The following RNF135 variants were observed in gnomAD, a reference collection of about 807,000 sequenced individuals.
RNF135 encodes E3 ubiquitin-protein ligase RNF135.
RNF135 carries 46 observed loss-of-function variants against 41.9 expected under a neutral mutation model. The observed-to-expected ratio is 1.10, with a 90% confidence interval of 0.87 to 1.40. The LOEUF is 1.40. Ranked by LOEUF, RNF135 falls within the 40% of genes most tolerant of loss-of-function variation. The pLI is 0.00. For missense variants in RNF135, 539 were observed against 549.8 expected (o/e 0.98, Z 0.20); for synonymous variants, 238 against 223.8 (o/e 1.06, Z -0.57).
chr17:30,991,708 C>T (rs907946027), intron 3 of RNF135, among the ~76,000 whole-genome samples: 4 of 151,940 alleles, frequency 2.6e-5, no homozygotes, highest in Non-Finnish European at 4.4e-5. Context: ...GCCACCGTGC[C>T]CGGCCTATAC....
At chr17:30,989,467 G>T (rs148477652) in intron 3 of RNF135, among the ~76,000 whole-genome samples, 3 of 152,224 alleles carry the variant, frequency 2.0e-5, no homozygotes, top group African/African-American at 4.8e-5. Context: ...ATATAGAAAA[G>T]AACCTTTCTG....
chr17:30,968,751 G>GA (rs1255687091), upstream of RNF135: 4 of 152,148 alleles, frequency 2.6e-5, no homozygotes, highest in African/African-American at 4.8e-5. Flanking sequence ...GCGTGTCCAA[G>GA]AAAAAAGTTT....
intron 1 of RNF135, chr17:30,975,609 A>G (rs1906376368): frequency 2.2e-6 from 2 of 922,220 alleles, no homozygotes; most frequent in African/African-American, 1.6e-5. Context: ...AAGAAAGCCA[A>G]ATAAAAGCAT....
At position 30,998,935 on chromosome 17, in the gene RNF135, G is replaced by T; in HGVS notation, c.1043G>T (p.Cys348Phe). Residue 348 changes from cysteine to phenylalanine, a missense_variant, in exon 5 of 5, where the codon TGT becomes TTT. By Grantham distance (205) the Cys-to-Phe change is radical. Around this residue, in one of 2 missense-constraint regions of RNF135, gnomAD observed 262 missense variants for 336.9 expected, o/e 0.78. Transcript: ENST00000328381. ...QVLGRTMDSC[C>F]VEWKGTSQLS... ...CTGGGAAGGACTATGGACTCTTGTT[G>T]TGTGGAATGGAAGGGGACTAGCCAG... 1 of 1,613,942 alleles carries T rather than the reference G, an allele frequency of 6.2e-7. No homozygotes were observed. The highest frequency in any genetic ancestry group is 8.5e-7 in the Non-Finnish European group (1 of 1,179,884).
Position 30,998,834 on chromosome 17 carries a change from C to G in RNF135, c.942C>G (p.Tyr314Ter), listed in dbSNP as rs1395614367. The change falls in exon 5 of 5, where the codon TAC (tyrosine) becomes TAG (stop). Residue 314 changes from tyrosine to a stop codon, truncating the protein, a stop_gained. Transcript: ENST00000328381. LOFTEE classifies it high-confidence loss of function. ...AGGCCCTGTCTTCTGGAAAGCATTACTGGGAAGTGGACACTAGGAATTGCA... is the reference window on the plus strand; with the variant it reads ...AGGCCCTGTCTTCTGGAAAGCATTAGTGGGAAGTGGACACTAGGAATTGCA... ...CSQALSSGKH[Y>*]WEVDTRNCSH... 1 of 1,613,326 alleles carries G rather than the reference C, an allele frequency of 6.2e-7. No individual in the cohort carries two copies. The highest frequency in any genetic ancestry group is 8.5e-7 in the Non-Finnish European group (1 of 1,179,672).
upstream of RNF135, among the ~76,000 whole-genome samples, chr17:30,967,368 A>G (rs775621455): frequency 6.6e-6 from 1 of 152,178 alleles, no homozygotes; most frequent in Non-Finnish European, 1.5e-5. Flanking sequence ...CATCTGTCTT[A>G]TTAATAGCTA....
chr17:30,977,826 C>T (rs1432092022), intron 1 of RNF135, among the ~76,000 whole-genome samples: 2 of 152,208 alleles, frequency 1.3e-5, no homozygotes, highest in Non-Finnish European at 1.5e-5. Flanking sequence ...GCCGTGGCCT[C>T]CCAAAGTGCT....
chr17:30,960,751 T>A, the RNF135 span, among the ~76,000 whole-genome samples: 5 of 149,910 alleles, frequency 3.3e-5, no homozygotes, highest in South Asian at 6.3e-4. Context: ...TTTATTTTTT[T>A]TTTTTTGAGA....
chr17:30,967,742 C>T (rs1375483382), upstream of RNF135, among the ~76,000 whole-genome samples: 1 of 149,844 alleles, frequency 6.7e-6, no homozygotes, highest in Admixed American at 6.7e-5. Flanking sequence ...TGCCCTGTTG[C>T]CGAGGCTGGA....
At chr17:30,977,081 CTTTTTAT>C (rs1338393636) in intron 1 of RNF135, among the ~76,000 whole-genome samples, 2 of 151,900 alleles carry the variant, frequency 1.3e-5, no homozygotes, top group African/African-American at 4.8e-5. Context: ...TAGTTTCTTG[CTTTTTAT>C]TTTTTGTGTA....
At chr17:30,993,911 T>C in intron 3 of RNF135, 1 of 620,548 alleles carries the variant, frequency 1.6e-6, no homozygotes, top group Non-Finnish European at 2.8e-6. Flanking sequence ...TCAGGTGATC[T>C]TCCTTCCTAA....
intron 3 of RNF135, among the ~76,000 whole-genome samples, chr17:30,989,351 C>T (rs1173945013): frequency 6.6e-6 from 1 of 151,988 alleles, no homozygotes; most frequent in Admixed American, 6.6e-5. Flanking sequence ...AGAGGGAGAT[C>T]TTGTCTACAA....
At chr17:30,988,325 T>C (rs1353344113) in intron 3 of RNF135, among the ~76,000 whole-genome samples, 6 of 151,648 alleles carry the variant, frequency 4.0e-5, no homozygotes, top group Admixed American at 2.0e-4. Context: ...CCTTAATAGA[T>C]AGAAACTCAT....
the RNF135 span, among the ~76,000 whole-genome samples, chr17:30,960,761 A>G: frequency 1.4e-5 from 2 of 139,970 alleles, no homozygotes; most frequent in African/African-American, 5.3e-5. Flanking sequence ...TTTTTTTGAG[A>G]CAGAGTCTTG....
At chr17:30,995,452 ACTC>A (rs1316023854) in intron 3 of RNF135, among the ~76,000 whole-genome samples, 1 of 151,568 alleles carries the variant, frequency 6.6e-6, no homozygotes, top group Non-Finnish European at 1.5e-5. Context: ...CTGGTCTGGA[ACTC>A]CTCCTGGCCT....
chr17:30,970,849 A>C (rs1367864599), upstream of RNF135: 8 of 625,850 alleles, frequency 1.3e-5, no homozygotes, highest in East Asian at 2.5e-4. Flanking sequence ...TCCCAGGGCA[A>C]GAGGCCGCCA....
chr17:30,999,145 G>T lies in RNF135; in HGVS notation c.1253G>T (p.Gly418Val). 6.2e-7 allele frequency: 1 copy of T among 1,614,134 alleles called. No homozygotes were observed. The highest frequency in any genetic ancestry group is 8.5e-7 in the Non-Finnish European group (1 of 1,180,028). The change falls in exon 5 of 5, where the codon GGC becomes GTC. Residue 418 changes from glycine to valine, a missense_variant. This residue lies in a region of RNF135 where 262 missense variants were observed against 336.9 expected (regional missense o/e 0.78). Transcript: ENST00000328381. Reference protein sequence around the residue: ...SPLYPAFWLYGLHPGNYLIIK... With the variant: ...SPLYPAFWLYVLHPGNYLIIK... ...TTGTACCCTGCCTTCTGGCTGTATG[G>T]CTTACATCCTGGAAATTACCTGATA...
chr17:30,981,387 ACT>A, intron 1 of RNF135, among the ~76,000 whole-genome samples: 1 of 145,182 alleles, frequency 6.9e-6, no homozygotes, highest in East Asian at 2.1e-4. Flanking sequence ...CGTGGTGATG[ACT>A]CTTAACCGAT....
intron 1 of RNF135, chr17:30,975,936 C>T: frequency 1.8e-6 from 1 of 561,424 alleles, no homozygotes; most frequent in Non-Finnish European, 3.3e-6. Context: ...TCTGCCTGTT[C>T]ATCTCTACAA....
Sources: gnomAD v4.1 joint callset for allele counts (sites outside exome capture counted in the v4.1 genomes callset) on GRCh38, gnomAD v4.1.1 for gene constraint, gnomAD v4.1.1 regional missense constraint, MANE v1.5 for transcripts, NCBI Gene and HGNC (gene_info 2026-07-23, HGNC 2026-07-21) for gene names.